The following OTOGL variants were observed in gnomAD, a reference collection of about 807,000 sequenced individuals.
OTOGL encodes the protein otogelin-like protein.
In OTOGL, 285 loss-of-function variants were observed where a neutral mutation model predicts 318.5. The observed-to-expected ratio is 0.89, with a 90% CI of 0.81 to 0.99. The LOEUF is 0.99. Among genes scored for constraint, OTOGL ranks in the 50% least tolerant of loss-of-function variants. OTOGL has a pLI of 0.00. For missense variants in OTOGL, 2,899 were observed against 2,845.6 expected, an observed-to-expected ratio of 1.02 and a Z score of -0.43; for synonymous variants, 987 against 936.5, an observed-to-expected ratio of 1.05 and a Z score of -0.99.
intron 1 of OTOGL, among the ~76,000 whole-genome samples, chr12:80,188,537 C>CCAAA (rs1875459819): frequency 6.9e-6 from 1 of 144,794 alleles, no homozygotes; most frequent in African/African-American, 2.6e-5. Flanking sequence ...GACTCTGTCT[C>CCAAA]AAAAAAAAAA....
At chr12:80,188,408 TGC>T (rs1327702834) in intron 1 of OTOGL, among the ~76,000 whole-genome samples, 1 of 151,588 alleles carries the variant, frequency 6.6e-6, no homozygotes, top group Non-Finnish European at 1.5e-5. Flanking sequence ...TGTGGTGGCA[TGC>T]GCCTGTAATC....
At chr12:80,273,330 G>A (rs1883552862) in intron 24 of OTOGL, among the ~76,000 whole-genome samples, 2 of 152,122 alleles carry the variant, frequency 1.3e-5, no homozygotes, top group Non-Finnish European at 2.9e-5. Flanking sequence ...ATAGTCCAGT[G>A]TGACTTGTTT....
chr12:80,272,451 T>G (rs1883487983), intron 24 of OTOGL, among the ~76,000 whole-genome samples: 1 of 151,946 alleles, frequency 6.6e-6, no homozygotes, highest in South Asian at 2.1e-4. Flanking sequence ...TTCATAAATA[T>G]TCTTCCATTG....
At chr12:80,155,734 A>G (rs74342202) in intron 1 of OTOGL, among the ~76,000 whole-genome samples, 9,905 of 152,210 alleles carry the variant, frequency 0.065, 1,018 homozygotes, top group African/African-American at 0.22. Context: ...ACTATTTTTT[A>G]TACCCATTAA....
Position 80,290,842 on chromosome 12 carries a change from A to G in OTOGL, c.2929-5985A>G, listed in dbSNP as rs76443962. Among the ~76,000 whole-genome samples the G allele has an allele frequency of 1.4e-3, 218 of 152,346 alleles. 2 individuals carry two copies. In the East Asian group the frequency reaches 0.03, roughly 21 times the overall value. ...TTAAATGTAAAGCATGCCAGTAAAG[A>G]CATATCTACTATTTATACTCCATAT... On this transcript the variant is annotated intron_variant, in intron 26 of 58. Coordinates refer to ENST00000547103, the MANE Select transcript of OTOGL (RefSeq NM_001378609.3).
chr12:80,360,758 G>A (rs767375217), intron 52 of OTOGL, among the ~76,000 whole-genome samples: 4 of 151,992 alleles, frequency 2.6e-5, no homozygotes, highest in Non-Finnish European at 5.9e-5. Context: ...GGGATTACAG[G>A]TGTGAGCCAC....
chr12:80,255,983 A>G (rs1253477778), intron 16 of OTOGL, among the ~76,000 whole-genome samples: 1 of 151,906 alleles, frequency 6.6e-6, no homozygotes, highest in Non-Finnish European at 1.5e-5. Flanking sequence ...AAATGAATTT[A>G]GAGAGGTACT....
rs531735617 is a variant in OTOGL at position 80,286,935 on chromosome 12, T to A, written c.2928+7769T>A. On this transcript the variant is annotated intron_variant, in intron 26 of 58. Coordinates refer to ENST00000547103, the MANE Select transcript of OTOGL (RefSeq NM_001378609.3). ...TTCTTGTCTTCTGCTAGCTTTTGAA[T>A]TTGTTTGCGCTTGCTTCTCTAGTTC... Among the ~76,000 whole-genome samples the A allele has an allele frequency of 1.8e-3, 276 of 152,286 alleles. 1 individual carries two copies. The highest frequency in any genetic ancestry group is 6.3e-3 in the African/African-American group (261 of 41,570).
intron 55 of OTOGL, 107 bp downstream of exon 55, chr12:80,368,416 A>C: frequency 1.6e-6 from 1 of 634,206 alleles, no homozygotes; most frequent in Non-Finnish European, 2.7e-6. Flanking sequence ...GCATACAATA[A>C]ACACAGTACA....
chr12:80,332,969 T>A, intron 37 of OTOGL, 36 bp from the exon 38 acceptor site: 7 of 1,495,492 alleles, frequency 4.7e-6, no homozygotes, highest in Non-Finnish European at 6.4e-6. Flanking sequence ...GATAAATGCA[T>A]TCCACTAATG....
At chr12:80,189,548 C>T (rs906597314) in intron 1 of OTOGL, 1 of 828,626 alleles carries the variant, frequency 1.2e-6, no homozygotes, top group African/African-American at 1.9e-5. Flanking sequence ...TTCTAGGAAG[C>T]TTCTGAAATG....
chr12:80,239,313 T>C lies in OTOGL; in HGVS notation c.946-20T>C, dbSNP rs11114361. On this transcript the variant is annotated intron_variant, in intron 10 of 58. Transcript: ENST00000547103. ...ATACCATGAAACATAGTCTAGTGAC[T>C]GCCATCTTTTTTTGCACAGGCAATC... 13,598 of 1,528,886 alleles carry C rather than the reference T, an allele frequency of 8.9e-3. 1,041 individuals carry two copies. The African/African-American group carries it at 0.16, about 18-fold the overall frequency. 94.7% of individuals were successfully genotyped at this position (1,528,886 alleles called of 1,614,324 possible). A position where few individuals can be genotyped will look rare whatever the true frequency, so the allele number is the denominator to read the frequency against.
At chr12:80,126,558 G>A (rs1248100373) in intron 1 of OTOGL, among the ~76,000 whole-genome samples, 38 of 152,218 alleles carry the variant, frequency 2.5e-4, no homozygotes, top group Admixed American at 1.7e-3. Flanking sequence ...TATTGGGTCC[G>A]CTTGGTGCAG....
intron 26 of OTOGL, among the ~76,000 whole-genome samples, chr12:80,289,433 G>T (rs761534798): frequency 3.9e-5 from 6 of 152,202 alleles, no homozygotes; most frequent in Non-Finnish European, 7.3e-5. Flanking sequence ...TCTGCTGTGA[G>T]ATCCGCTGCT....
chr12:80,354,176 A>G (rs1889732461), intron 46 of OTOGL, among the ~76,000 whole-genome samples: 1 of 152,172 alleles, frequency 6.6e-6, no homozygotes, highest in Non-Finnish European at 1.5e-5. Context: ...GATTAGTTCT[A>G]GCAGAAATGG....
rs184698149 is a variant in OTOGL, at chr12:80,322,437, G to A, written c.4082-1286G>A. Among the ~76,000 whole-genome samples, 705 of 152,266 alleles carry A rather than the reference G, an allele frequency of 4.6e-3. 5 individuals are homozygous for A. Among genetic ancestry groups the A allele is most frequent in the African/African-American group, 0.016 (656 of 41,540 alleles). On this transcript the variant is annotated intron_variant, in intron 34 of 58. Transcript: ENST00000547103. ...GCTTCTGAAACCTAGGAAACTCCAG[G>A]AGCCTATTGTAGTCTTGGAACCAGT...
At position 80,257,948 on chromosome 12, in the gene OTOGL, G is replaced by A. The variant is rs368864545; in HGVS notation, c.1835G>A (p.Arg612Lys). The A allele has an allele frequency of 5.9e-5, 95 of 1,597,920 alleles. No homozygotes were observed. Among genetic ancestry groups the A allele is most frequent in the Non-Finnish European group, 7.5e-5 (88 of 1,179,182 alleles). The change falls in exon 18 of 59, where the codon AGA becomes AAA. Residue 612 changes from arginine to lysine, a missense_variant. Transcript: ENST00000547103. ...IYIQLTSAWK[R>K]RTLGLCGTFN... ...ATTCAGCTTACTAGCGCATGGAAAA[G>A]AAGAACATTAGGTCTGTGTGGCACT...
chr12:80,196,665 G>C (rs920170818), intron 1 of OTOGL, among the ~76,000 whole-genome samples: 1 of 152,162 alleles, frequency 6.6e-6, no homozygotes, highest in Non-Finnish European at 1.5e-5. Context: ...TTCTCCTTAG[G>C]CTGAGGACCT....
intron 1 of OTOGL, among the ~76,000 whole-genome samples, chr12:80,104,305 T>C (rs969960967): frequency 7.2e-5 from 11 of 152,342 alleles, no homozygotes; most frequent in African/African-American, 2.6e-4. Context: ...GCTGGGAAGA[T>C]TGAATGCTTA....
Sources: allele counts gnomAD v4.1 joint callset (sites outside exome capture counted in the v4.1 genomes callset), GRCh38; gene constraint gnomAD v4.1.1; transcripts MANE v1.5; gene names NCBI Gene and HGNC (gene_info 2026-07-23, HGNC 2026-07-21).